The following TMEM132D variants were observed in gnomAD, a reference collection of about 807,000 sequenced individuals.
TMEM132D encodes the protein transmembrane protein 132D.
A neutral mutation model predicts 62.3 loss-of-function variants in TMEM132D; 21 were observed. That is an observed-to-expected ratio of 0.34 (90% CI 0.24 to 0.49). TMEM132D has a LOEUF of 0.49. TMEM132D is among the 20% of genes least tolerant of loss of function. The pLI, the probability that TMEM132D is intolerant of heterozygous loss-of-function variation, is 0.99. For synonymous variants in TMEM132D, 621 were observed against 575.6 expected (o/e 1.08, Z -1.13); for missense variants, 1,346 against 1,402.8 (o/e 0.96, Z 0.65).
At chr12:129,745,399 T>C (rs906409834) in intron 1 of TMEM132D, among the ~76,000 whole-genome samples, 3 of 152,180 alleles carry the variant, frequency 2.0e-5, no homozygotes, top group Admixed American at 2.0e-4. Context: ...AGTCCATAGA[T>C]CAGAGATCTG....
chr12:129,224,158 A>G (rs541936829), intron 4 of TMEM132D, among the ~76,000 whole-genome samples: 55 of 152,292 alleles, frequency 3.6e-4, no homozygotes, highest in African/African-American at 1.2e-3. Context: ...TCTTTTCATT[A>G]TAATACTTTG....
At chr12:129,186,646 G>A (rs1878230076) in intron 5 of TMEM132D, among the ~76,000 whole-genome samples, 1 of 152,154 alleles carries the variant, frequency 6.6e-6, no homozygotes, top group Non-Finnish European at 1.5e-5. Context: ...TTGTGCCTCA[G>A]TTTCCTCATC....
chr12:129,477,393 G>A lies in TMEM132D; in HGVS notation c.1115+53666C>T, dbSNP rs112869620. Among the ~76,000 whole-genome samples, 8 of 152,252 alleles carry A rather than the reference G, an allele frequency of 5.3e-5. No homozygotes were observed. In the East Asian group the frequency reaches 7.7e-4, roughly 15 times the overall value. On this transcript the variant is annotated intron_variant, in intron 3 of 8. Coordinates refer to ENST00000422113, the MANE Select transcript of TMEM132D (RefSeq NM_133448.3). The stretch of plus-strand genomic sequence containing the variant: ...TCTAGACCCAAAGGGAGAGGCCAAC[G>A]GCAAGACCAATACACTAGGCATTTG...
chr12:129,810,305 T>A (rs557097698), intron 1 of TMEM132D, among the ~76,000 whole-genome samples: 9 of 152,278 alleles, frequency 5.9e-5, no homozygotes, highest in South Asian at 2.1e-4. Flanking sequence ...ATATTTTTTT[T>A]AAAATGCAAG....
chr12:129,621,322 C>A (rs1879060861), intron 2 of TMEM132D, among the ~76,000 whole-genome samples: 1 of 152,194 alleles, frequency 6.6e-6, no homozygotes, highest in Non-Finnish European at 1.5e-5. Context: ...ACTGTCCCCA[C>A]CTGCCATCAC....
chr12:129,135,042 A>C (rs1593272468), intron 5 of TMEM132D, among the ~76,000 whole-genome samples: 1 of 152,308 alleles, frequency 6.6e-6, no homozygotes, highest in East Asian at 1.9e-4. Context: ...AGGTGGAGGA[A>C]ATCAATGGAA....
intron 3 of TMEM132D, among the ~76,000 whole-genome samples, chr12:129,461,143 G>A (rs1008938157): frequency 1.3e-5 from 2 of 152,212 alleles, no homozygotes; most frequent in Admixed American, 1.3e-4. Context: ...ACTAGAAAGA[G>A]TAGAGGTGCA....
intron 3 of TMEM132D, among the ~76,000 whole-genome samples, chr12:129,466,901 T>C (rs547424497): frequency 1.4e-4 from 21 of 152,172 alleles, no homozygotes; most frequent in Non-Finnish European, 2.1e-4. Flanking sequence ...CAGGTTTGCA[T>C]GAACAGAGTA....
intron 4 of TMEM132D, chr12:129,212,676 C>T (rs1023698081): frequency 6.6e-6 from 1 of 152,196 alleles, no homozygotes; most frequent in Non-Finnish European, 1.5e-5. Flanking sequence ...ATCTCCTTCC[C>T]GTCAGTCAAT....
intron 2 of TMEM132D, among the ~76,000 whole-genome samples, chr12:129,671,332 T>C (rs891219732): frequency 1.3e-5 from 2 of 152,140 alleles, no homozygotes; most frequent in African/African-American, 4.8e-5. Context: ...GTAGTTGCAA[T>C]AGGTTTCCAA....
chr12:129,302,148 C>T (rs888175118), intron 4 of TMEM132D, among the ~76,000 whole-genome samples: 2 of 152,198 alleles, frequency 1.3e-5, no homozygotes, highest in East Asian at 3.9e-4. Context: ...CGAAGTCTTG[C>T]TCTCTTGCCA....
intron 1 of TMEM132D, among the ~76,000 whole-genome samples, chr12:129,832,035 C>CTTTTTTTTTTTTTTTTTT (rs71085577): frequency 4.2e-5 from 4 of 94,172 alleles, no homozygotes; most frequent in Non-Finnish European, 5.7e-5. Context: ...ATGCCCGGCT[C>CTTTTTTTTTTTTTTTTTT]TTTTTTTTTT....
intron 4 of TMEM132D, among the ~76,000 whole-genome samples, chr12:129,291,006 G>A (rs1350074502): frequency 6.6e-6 from 1 of 152,128 alleles, no homozygotes; most frequent in African/African-American, 2.4e-5. Context: ...AAGGTTTCAT[G>A]TATCCAAAGC....
intron 5 of TMEM132D, among the ~76,000 whole-genome samples, chr12:129,145,814 A>G (rs1377309944): frequency 1.3e-5 from 2 of 152,166 alleles, no homozygotes; most frequent in Admixed American, 6.5e-5. Flanking sequence ...GTATCTATTT[A>G]TGGTGTGCCC....
chr12:129,523,916 G>A (rs35760024), intron 3 of TMEM132D, among the ~76,000 whole-genome samples: 97,635 of 151,968 alleles, frequency 0.64, 31,825 homozygotes, highest in African/African-American at 0.7. Flanking sequence ...ATTTACTGGG[G>A]CAAAACTCAG....
chr12:129,637,139 T>C (rs1004266243), intron 2 of TMEM132D, among the ~76,000 whole-genome samples: 36 of 152,228 alleles, frequency 2.4e-4, no homozygotes, highest in African/African-American at 8.7e-4. Context: ...AACTGCTTTT[T>C]TCTTAAAGAG....
chr12:129,568,804 A>G (rs1470479481), intron 2 of TMEM132D, among the ~76,000 whole-genome samples: 5 of 152,226 alleles, frequency 3.3e-5, no homozygotes, highest in African/African-American at 4.8e-5. Context: ...AGCATAAAGG[A>G]AAACCACATT....
intron 2 of TMEM132D, among the ~76,000 whole-genome samples, chr12:129,574,688 C>T (rs1222231502): frequency 1.3e-5 from 2 of 151,678 alleles, no homozygotes; most frequent in Non-Finnish European, 2.9e-5. Context: ...CCGTCAGCAT[C>T]CACAGCGAGA....
intron 1 of TMEM132D, among the ~76,000 whole-genome samples, chr12:129,799,364 G>A (rs867782381): frequency 4.6e-4 from 17 of 36,662 alleles, no homozygotes; most frequent in South Asian, 1.5e-3. Flanking sequence ...GTGTGTGTGT[G>A]TATATATGTG....
Sources: gnomAD v4.1 joint callset for allele counts (sites outside exome capture counted in the v4.1 genomes callset) on GRCh38, gnomAD v4.1.1 for gene constraint, MANE v1.5 for transcripts, NCBI Gene and HGNC (gene_info 2026-07-23, HGNC 2026-07-21) for gene names.